The following CFAP161 variants were observed in gnomAD, a reference collection of about 807,000 sequenced individuals.
CFAP161 encodes cilia and flagella associated protein 161, also known as cilia- and flagella-associated protein 161.
In CFAP161, 25 loss-of-function variants were observed where a neutral mutation model predicts 29.0. The ratio of observed to expected loss-of-function variants is 0.86; its 90% confidence interval spans 0.63 to 1.20. The LOEUF is 1.20. Among genes scored for constraint, CFAP161 ranks in the 50% most tolerant of loss-of-function variants. CFAP161 has a pLI of 0.00. For missense variants in CFAP161, 367 were observed against 371.9 expected (o/e 0.99, Z 0.11); for synonymous variants, 116 against 137.4 (o/e 0.84, Z 1.09).
At position 81,143,709 on chromosome 15, in the gene CFAP161, G is replaced by T. The variant is rs370597869; in HGVS notation, c.525G>T (p.Arg175Ser). ...DHRTLLKSSK[R>S]SWLQEVYLTD... ...GGACCCTCCTGAAATCGTCTAAGAG[G>T]TCTTGGCTCCAGGAAGTGTACCTAA... Residue 175 changes from arginine (R) to serine (S), a missense_variant, in exon 5 of 7, where the codon AGG (arginine) becomes AGT (serine). Coordinates refer to ENST00000286732, the MANE Select transcript of CFAP161 (RefSeq NM_173528.4). The T allele has an allele frequency of 1.7e-5, 28 of 1,613,976 alleles. No homozygotes were observed. Among genetic ancestry groups the T allele is most frequent in the African/African-American group, 2.7e-5 (2 of 74,908 alleles).
At chr15:81,142,252 T>G (rs1894923304) in intron 4 of CFAP161, among the ~76,000 whole-genome samples, 1 of 152,094 alleles carries the variant, frequency 6.6e-6, no homozygotes, top group Non-Finnish European at 1.5e-5. Flanking sequence ...GACAGGGTGC[T>G]GCCAGGTTGA....
intron 1 of CFAP161, among the ~76,000 whole-genome samples, chr15:81,122,387 C>G (rs1894585016): frequency 6.6e-6 from 1 of 152,030 alleles, no homozygotes; most frequent in South Asian, 2.1e-4. Context: ...TATTTTTTGA[C>G]TTTTTAGTAA....
At chr15:81,100,963 C>T (rs1370774890) in intron 1 of CFAP161, among the ~76,000 whole-genome samples, 2 of 152,200 alleles carry the variant, frequency 1.3e-5, no homozygotes, top group East Asian at 3.9e-4. Flanking sequence ...AGTTCAATAA[C>T]TTGGCCACCA....
intron 1 of CFAP161, among the ~76,000 whole-genome samples, chr15:81,105,107 TTC>T (rs1894347204): frequency 8.2e-5 from 3 of 36,636 alleles, no homozygotes; most frequent in East Asian, 7.8e-4. Flanking sequence ...CCTCCCTCCC[TTC>T]CTTTCTCCCC....
chr15:81,101,435 G>T (rs911160596), intron 1 of CFAP161, among the ~76,000 whole-genome samples: 14 of 140,854 alleles, frequency 9.9e-5, no homozygotes, highest in African/African-American at 3.8e-4. Flanking sequence ...GCTGAGGCGG[G>T]ATAATCACTT....
At chr15:81,132,748 A>T (rs1425438570), upstream of CFAP161, among the ~76,000 whole-genome samples, 1 of 152,154 alleles carries the variant, frequency 6.6e-6, no homozygotes, top group Non-Finnish European at 1.5e-5. Context: ...TTTATTCTTG[A>T]TTTTATGAGG....
At chr15:81,141,333 A>G (rs181220994) in intron 4 of CFAP161, among the ~76,000 whole-genome samples, 9 of 152,344 alleles carry the variant, frequency 5.9e-5, no homozygotes, top group Non-Finnish European at 1.2e-4. Flanking sequence ...GAATAAGGAT[A>G]GAACATTTGA....
chr15:81,146,000 A>C (rs1457853064), intron 5 of CFAP161, among the ~76,000 whole-genome samples: 1 of 152,244 alleles, frequency 6.6e-6, no homozygotes, highest in Non-Finnish European at 1.5e-5. Context: ...ATTAGTAAAG[A>C]AGCAGCAGTC....
At chr15:81,111,504 A>C (rs756538841) in intron 1 of CFAP161, among the ~76,000 whole-genome samples, 4 of 152,220 alleles carry the variant, frequency 2.6e-5, no homozygotes, top group Non-Finnish European at 5.9e-5. Flanking sequence ...TCTGCTTTAA[A>C]TCCAGGCAAT....
chr15:81,145,115 C>T (rs1894985393), intron 5 of CFAP161, among the ~76,000 whole-genome samples: 2 of 152,188 alleles, frequency 1.3e-5, no homozygotes, highest in African/African-American at 2.4e-5. Context: ...GGCCAGGGTT[C>T]GCTTGCTACT....
intron 1 of CFAP161, among the ~76,000 whole-genome samples, chr15:81,101,427 T>A (rs1894301998): frequency 6.9e-6 from 1 of 145,146 alleles, no homozygotes; most frequent in Non-Finnish European, 1.5e-5. Context: ...CTTGGGAGGC[T>A]GAGGCGGGAT....
At chr15:81,103,775 T>A (rs989501793) in intron 1 of CFAP161, among the ~76,000 whole-genome samples, 3 of 152,216 alleles carry the variant, frequency 2.0e-5, no homozygotes, top group Non-Finnish European at 4.4e-5. Context: ...TCTGGAGGTC[T>A]GAACTTGCAA....
At chr15:81,113,465 C>T (rs1279653753) in intron 1 of CFAP161, among the ~76,000 whole-genome samples, 1 of 152,200 alleles carries the variant, frequency 6.6e-6, no homozygotes, top group Admixed American at 6.5e-5. Context: ...ACTTCAGATG[C>T]CAAGTGCAAG....
chr15:81,143,547 A>G, intron 4 of CFAP161, 115 bp from the exon 5 acceptor site: 2 of 1,177,120 alleles, frequency 1.7e-6, no homozygotes, highest in Non-Finnish European at 2.4e-6. Flanking sequence ...CAGTAAGAAC[A>G]GAGTTTTTGA....
At chr15:81,142,329 G>T (rs1419590053) in intron 4 of CFAP161, among the ~76,000 whole-genome samples, 1 of 151,536 alleles carries the variant, frequency 6.6e-6, no homozygotes, top group African/African-American at 2.4e-5. Flanking sequence ...TTTTCAGGTT[G>T]ATCTTTTACA....
chr15:81,134,060 C>A (rs1030820207), upstream of CFAP161, among the ~76,000 whole-genome samples: 2 of 152,220 alleles, frequency 1.3e-5, no homozygotes, highest in Admixed American at 6.5e-5. Flanking sequence ...ATTTCTCTCT[C>A]GGAAGCACTT....
At chr15:81,130,614 C>A (rs1040587460), upstream of CFAP161, among the ~76,000 whole-genome samples, 1 of 152,128 alleles carries the variant, frequency 6.6e-6, no homozygotes, top group South Asian at 2.1e-4. Flanking sequence ...GCAGGAGAAT[C>A]GCTTGAACCT....
intron 5 of CFAP161, among the ~76,000 whole-genome samples, chr15:81,146,206 C>T (rs1299585315): frequency 6.6e-6 from 1 of 152,154 alleles, no homozygotes; most frequent in African/African-American, 2.4e-5. Flanking sequence ...CTAAAGCCTA[C>T]TTGTCAGTGC....
chr15:81,147,568 A>C (rs1895030682), intron 5 of CFAP161, among the ~76,000 whole-genome samples: 1 of 152,168 alleles, frequency 6.6e-6, no homozygotes, highest in Non-Finnish European at 1.5e-5. Context: ...ACCTGTAAGG[A>C]TGTTACTATA....
Sources: allele counts gnomAD v4.1 joint callset (sites outside exome capture counted in the v4.1 genomes callset), GRCh38; gene constraint gnomAD v4.1.1; transcripts MANE v1.5; gene names NCBI Gene and HGNC (gene_info 2026-07-23, HGNC 2026-07-21).